Variants in CDR2 observed in about 807,000 individuals in gnomAD.
CDR2 encodes cerebellar degeneration related protein 2.
CDR2 carries 34 observed loss-of-function variants against 48.4 expected under a neutral mutation model. That is an observed-to-expected ratio of 0.70 (90% confidence interval 0.53 to 0.94). The LOEUF (loss-of-function observed/expected upper bound fraction) is 0.94. Ranked by LOEUF, CDR2 falls within the 40% of genes least tolerant of loss-of-function variation. The probability of loss-of-function intolerance (pLI) is 0.00; values close to 1 mark genes in which losing one functional copy is unlikely to be tolerated. For synonymous variants in CDR2, 240 were observed against 219.7 expected (o/e 1.09, Z -0.82); for missense variants, 498 against 549.5 (o/e 0.91, Z 0.94).
intron 1 of CDR2, among the ~76,000 whole-genome samples, chr16:22,371,916 G>C (rs2141856184): frequency 6.6e-6 from 1 of 151,884 alleles, no homozygotes; most frequent in African/African-American, 2.4e-5. Context: ...TTGTCATCCA[G>C]GCTGGAGTGC....
At position 22,347,110 on chromosome 16, in the gene CDR2, G is replaced by C. The variant is rs1228415949; in HGVS notation, c.1220C>G (p.Ser407Cys). The change falls in exon 5 of 5, where the codon TCT becomes TGT. Residue 407 changes from serine (S) to cysteine (C), a missense_variant. Physicochemically the swap from Ser to Cys is moderately radical, Grantham distance 112. Coordinates refer to ENST00000268383, the MANE Select transcript of CDR2 (RefSeq NM_001802.2). Reference sequence around the variant, plus strand: ...GGAACTCACGGGCTCTGGGTTGACAGAGGCCAGTTCCCAGCCGCTGGCAAC... The same window carrying C: ...GGAACTCACGGGCTCTGGGTTGACACAGGCCAGTTCCCAGCCGCTGGCAAC... ...EPVASGWELA[S>C]VNPEPVSSPT... The C allele has an allele frequency of 1.8e-5, 29 of 1,614,240 alleles. No homozygotes were observed. Among genetic ancestry groups the C allele is most frequent in the Non-Finnish European group, 2.2e-5 (26 of 1,180,028 alleles).
intron 2 of CDR2, among the ~76,000 whole-genome samples, chr16:22,359,367 TA>T (rs991382055): frequency 6.6e-6 from 1 of 152,140 alleles, no homozygotes; most frequent in Non-Finnish European, 1.5e-5. Flanking sequence ...CCTCGTGATC[TA>T]CCTGCCTCAG....
intron 2 of CDR2, among the ~76,000 whole-genome samples, chr16:22,363,519 C>T (rs12595936): frequency 0.016 from 2,476 of 152,314 alleles, 91 homozygotes; most frequent in East Asian, 0.1. Context: ...GATGTGATCA[C>T]TTCTAAGGAA....
At position 22,354,607 on chromosome 16, in the gene CDR2, A is replaced by T. The variant is rs550613903; in HGVS notation, c.193-4758T>A. 1.4e-4 allele frequency among the ~76,000 whole-genome samples: 21 copies of T among 152,120 alleles called. No homozygotes were observed. The South Asian group carries it at 1.5e-3, about 11-fold the overall frequency. ...TGCATTTTAAAACTTTCTATTGTGGACCAGGTGTGGTGGCTCATGCCTGTA... is the reference window on the plus strand; with the variant it reads ...TGCATTTTAAAACTTTCTATTGTGGTCCAGGTGTGGTGGCTCATGCCTGTA... On this transcript the variant is annotated intron_variant, in intron 2 of 4. Coordinates refer to ENST00000268383, the MANE Select transcript of CDR2 (RefSeq NM_001802.2).
Position 22,374,239 on chromosome 16 carries a change from A to C in CDR2, c.71T>G (p.Leu24Arg). 6.3e-7 allele frequency: 1 copy of C among 1,598,638 alleles called. No homozygotes were observed. The highest frequency in any genetic ancestry group is 1.1e-5 in the South Asian group (1 of 89,362). The change falls in exon 1 of 5, where the codon CTC becomes CGC. Residue 24 changes from leucine (L) to arginine (R), a missense_variant. Leu to Arg is a moderately radical substitution (Grantham distance 102). Transcript: ENST00000268383. ...EDEPWYDHQD[L>R]QQDLQLAAEL... is the part of the protein sequence containing the mutation. ...GGCGCCCCCGCCCTCACCTTGCTGG[A>C]GGTCCTGGTGGTCGTACCACGGCTC...
chr16:22,373,960 GGAAA>G (rs1487357128), intron 1 of CDR2, among the ~76,000 whole-genome samples: 1 of 152,224 alleles, frequency 6.6e-6, no homozygotes, highest in East Asian at 1.9e-4. Context: ...GCTAATCCAC[GGAAA>G]GCGCTTAAAA....
chr16:22,369,652 C>A (rs1269450453), intron 1 of CDR2, among the ~76,000 whole-genome samples: 1 of 152,154 alleles, frequency 6.6e-6, no homozygotes, highest in Non-Finnish European at 1.5e-5. Context: ...CACTGTATAA[C>A]AGGATATTAC....
intron 1 of CDR2, among the ~76,000 whole-genome samples, chr16:22,366,510 A>G (rs891725410): frequency 1.3e-5 from 2 of 152,210 alleles, no homozygotes; most frequent in African/African-American, 4.8e-5. Flanking sequence ...AAGGAACAGA[A>G]TAAGTGACCC....
intron 2 of CDR2, among the ~76,000 whole-genome samples, chr16:22,357,221 G>GT (rs2141847348): frequency 6.6e-6 from 1 of 152,108 alleles, no homozygotes; most frequent in Admixed American, 6.5e-5. Flanking sequence ...GCTAATTTTT[G>GT]TATTTTTATT....
At chr16:22,350,283 G>A (rs1169082092) in intron 2 of CDR2, among the ~76,000 whole-genome samples, 1 of 152,068 alleles carries the variant, frequency 6.6e-6, no homozygotes, top group Non-Finnish European at 1.5e-5. Context: ...CTGACATAGA[G>A]TCTCCATCTC....
Position 22,346,958 on chromosome 16 carries a change from G to C in CDR2, c.*7C>G. 6.2e-7 allele frequency: 1 copy of C among 1,603,962 alleles called. No individual in the cohort carries two copies. The highest frequency in any genetic ancestry group is 8.5e-7 in the Non-Finnish European group (1 of 1,171,982). ...TAGGCAAATTAGTAGTAGAGCTAGA[G>C]GTTCAATTAAGAATGAGAGGAGAGT... On this transcript the variant is annotated 3_prime_UTR_variant, in exon 5 of 5. Coordinates refer to ENST00000268383, the MANE Select transcript of CDR2 (RefSeq NM_001802.2).
rs776723315 is a variant in CDR2, at chr16:22,349,802, A to G, written c.240T>C (p.His80=). 2 of 1,613,996 alleles carry G rather than the reference A, an allele frequency of 1.2e-6. No individual in the cohort carries two copies. Among genetic ancestry groups the G allele is most frequent in the Non-Finnish European group, 1.7e-6 (2 of 1,179,950 alleles). The change falls in exon 3 of 5, where the codon CAT becomes CAC. Residue 80 remains histidine (H), a synonymous_variant. Transcript: ENST00000268383. ...CGTCTAATTGTTCATAAACCTTTGC[A>G]TGTTGTTCGTTCATCTGCCGTAGAA... ...VELLRQMNEQ[H]AKVYEQLDVT... is the part of the protein sequence containing the mutation.
At chr16:22,351,640 T>C (rs2048942942) in intron 2 of CDR2, among the ~76,000 whole-genome samples, 1 of 152,256 alleles carries the variant, frequency 6.6e-6, no homozygotes, top group Non-Finnish European at 1.5e-5. Flanking sequence ...ACTCCTGTTA[T>C]TTTTAATTTT....
chr16:22,355,157 A>G (rs143234330), intron 2 of CDR2, among the ~76,000 whole-genome samples: 350 of 152,378 alleles, frequency 2.3e-3, no homozygotes, highest in Admixed American at 4.7e-3. Context: ...AAAAAACTCA[A>G]TAATTCCTTA....
intron 1 of CDR2, among the ~76,000 whole-genome samples, chr16:22,373,837 G>A (rs1203555923): frequency 6.6e-6 from 1 of 152,260 alleles, no homozygotes; most frequent in Non-Finnish European, 1.5e-5. Flanking sequence ...GGCCATGAAA[G>A]GCGCTGGGCT....
At chr16:22,349,560 CTATT>C (rs2048928640) in intron 3 of CDR2, 117 bp from the exon 4 acceptor site, 1 of 1,397,636 alleles carries the variant, frequency 7.2e-7, no homozygotes, top group Admixed American at 2.0e-5. Context: ...GAAAGGATGT[CTATT>C]TAATCTCCAT....
Position 22,347,267 on chromosome 16 carries a change from C to A in CDR2, c.1063G>T (p.Ala355Ser), listed in dbSNP as rs557358613. ...LLHEVDTQYS[A>S]LKVKYEELLK... ...AACTCTTCATACTTCACCTTCAGGGCGCTGTACTGCGTGTCCACTTCGTGC... is the reference window on the plus strand; with the variant it reads ...AACTCTTCATACTTCACCTTCAGGGAGCTGTACTGCGTGTCCACTTCGTGC... Residue 355 changes from alanine (A) to serine (S), a missense_variant, in exon 5 of 5, where the codon GCC (alanine) becomes TCC (serine). Ala to Ser is a moderately conservative substitution (Grantham distance 99). Transcript: ENST00000268383. 6.2e-7 allele frequency: 1 copy of A among 1,614,242 alleles called. No homozygotes were observed. Among genetic ancestry groups the A allele is most frequent in the East Asian group, 2.2e-5 (1 of 44,876 alleles).
At chr16:22,367,906 G>A (rs2049053181) in intron 1 of CDR2, among the ~76,000 whole-genome samples, 1 of 152,178 alleles carries the variant, frequency 6.6e-6, no homozygotes, top group South Asian at 2.1e-4. Flanking sequence ...AACTAACAAT[G>A]TCTATTAGTC....
intron 1 of CDR2, 139 bp downstream of exon 1, chr16:22,374,092 G>T: frequency 1.8e-6 from 1 of 548,282 alleles, no homozygotes; most frequent in Non-Finnish European, 3.2e-6. Context: ...GGGCACGGCC[G>T]GCCCAGCCGC....
Sources: gnomAD v4.1 joint callset for allele counts (sites outside exome capture counted in the v4.1 genomes callset) on GRCh38, gnomAD v4.1.1 for gene constraint, MANE v1.5 for transcripts, NCBI Gene and HGNC (gene_info 2026-07-23, HGNC 2026-07-21) for gene names.